The following REDIC1 variants were observed in gnomAD, a reference collection of about 807,000 sequenced individuals.
REDIC1 encodes regulator of DNA class I crossover intermediates 1.
chr12:39,809,708 C>T, the REDIC1 span, among the ~76,000 whole-genome samples: 10 of 152,040 alleles, frequency 6.6e-5, no homozygotes. Flanking sequence ...TTCCTGTGTC[C>T]ATGTGTTCTC....
chr12:39,733,977 G>T, the REDIC1 span, among the ~76,000 whole-genome samples: 3 of 152,174 alleles, frequency 2.0e-5, no homozygotes, highest in Non-Finnish European at 4.4e-5. Flanking sequence ...CAGCTAGTTT[G>T]GTGTCTGCCC....
At chr12:39,710,833 T>C in the REDIC1 span, among the ~76,000 whole-genome samples, 1 of 151,766 alleles carries the variant, frequency 6.6e-6, no homozygotes, top group African/African-American at 2.4e-5. Context: ...GTGTCTCTAA[T>C]AACTATCACA....
At chr12:39,885,010 G>T in the REDIC1 span, among the ~76,000 whole-genome samples, 1 of 152,202 alleles carries the variant, frequency 6.6e-6, no homozygotes, top group African/African-American at 2.4e-5. Flanking sequence ...GCAGAGACAG[G>T]TATTATAGCC....
the REDIC1 span, chr12:39,646,409 A>G: frequency 6.7e-7 from 1 of 1,489,242 alleles, no homozygotes; most frequent in Non-Finnish European, 9.0e-7. Context: ...AGAACTTACA[A>G]TGTCGCCTCA....
the REDIC1 span, among the ~76,000 whole-genome samples, chr12:39,718,264 GA>G: frequency 6.6e-6 from 1 of 152,038 alleles, no homozygotes; most frequent in African/African-American, 2.4e-5. Flanking sequence ...CCCTAATCTA[GA>G]GGCTGAATTA....
At chr12:39,893,364 A>G in the REDIC1 span, among the ~76,000 whole-genome samples, 1 of 152,180 alleles carries the variant, frequency 6.6e-6, no homozygotes, top group Non-Finnish European at 1.5e-5. Flanking sequence ...CAGTGGTGCA[A>G]TCTCAGCTGG....
chr12:39,665,844 G>A, the REDIC1 span, among the ~76,000 whole-genome samples: 59 of 152,202 alleles, frequency 3.9e-4, no homozygotes, highest in African/African-American at 1.4e-3. Context: ...AATTGTGAAT[G>A]GGAGTTCACT....
At chr12:39,813,402 T>C in the REDIC1 span, among the ~76,000 whole-genome samples, 191 of 152,238 alleles carry the variant, frequency 1.3e-3, 1 homozygote, top group African/African-American at 4.3e-3. Flanking sequence ...TGTAAACACA[T>C]GGCCAATGAC....
the REDIC1 span, among the ~76,000 whole-genome samples, chr12:39,747,357 G>A: frequency 5.3e-5 from 8 of 152,162 alleles, no homozygotes; most frequent in Admixed American, 3.3e-4. Context: ...GAAATGAAGT[G>A]AGAAGAGAAG....
chr12:39,837,786 C>A, the REDIC1 span, among the ~76,000 whole-genome samples: 22 of 152,124 alleles, frequency 1.4e-4, no homozygotes, highest in African/African-American at 4.1e-4. Context: ...CAAAACCACT[C>A]TGAGATACCA....
the REDIC1 span, chr12:39,692,312 A>G: frequency 2.6e-6 from 1 of 390,054 alleles, no homozygotes; most frequent in Non-Finnish European, 4.3e-6. Context: ...ATGTATAGGT[A>G]CAGTTTAGCA....
the REDIC1 span, among the ~76,000 whole-genome samples, chr12:39,715,276 A>G: frequency 6.6e-6 from 1 of 151,918 alleles, no homozygotes; most frequent in South Asian, 2.1e-4. Flanking sequence ...ATTCTCCTGT[A>G]TGTGGCTAGC....
the REDIC1 span, among the ~76,000 whole-genome samples, chr12:39,726,254 T>G: frequency 1.3e-5 from 2 of 152,232 alleles, no homozygotes; most frequent in Non-Finnish European, 2.9e-5. Context: ...GGTGGTTTGC[T>G]GCACCCATCA....
At chr12:39,815,964 A>G in the REDIC1 span, among the ~76,000 whole-genome samples, 1 of 152,172 alleles carries the variant, frequency 6.6e-6, no homozygotes, top group Non-Finnish European at 1.5e-5. Context: ...CTGAGTATAC[A>G]TTTTGTTCAA....
chr12:39,628,641 C>A, the REDIC1 span, among the ~76,000 whole-genome samples: 1 of 152,022 alleles, frequency 6.6e-6, no homozygotes, highest in South Asian at 2.1e-4. Flanking sequence ...TATTTTTTAC[C>A]TGACTACCTG....
At chr12:39,697,574 A>C in the REDIC1 span, among the ~76,000 whole-genome samples, 1 of 152,252 alleles carries the variant, frequency 6.6e-6, no homozygotes, top group Non-Finnish European at 1.5e-5. Context: ...AGAGTATAAA[A>C]GATATATATA....
the REDIC1 span, among the ~76,000 whole-genome samples, chr12:39,900,162 A>G: frequency 6.6e-6 from 1 of 151,394 alleles, no homozygotes; most frequent in Admixed American, 6.6e-5. Flanking sequence ...AAAAACTCTC[A>G]GTAAATTAGG....
the REDIC1 span, among the ~76,000 whole-genome samples, chr12:39,723,456 A>G: frequency 6.6e-6 from 1 of 151,842 alleles, no homozygotes; most frequent in Non-Finnish European, 1.5e-5. Flanking sequence ...TTGCAAAATA[A>G]GCCATCTTAT....
chr12:39,646,626 G>A, the REDIC1 span, among the ~76,000 whole-genome samples: 12 of 151,274 alleles, frequency 7.9e-5, no homozygotes, highest in Non-Finnish European at 1.8e-4. Flanking sequence ...AAATGATCCA[G>A]ATTTTGTACA....
Sources: allele counts gnomAD v4.1 joint callset (sites outside exome capture counted in the v4.1 genomes callset), GRCh38; gene constraint gnomAD v4.1.1; transcripts MANE v1.5; gene names NCBI Gene and HGNC (gene_info 2026-07-23, HGNC 2026-07-21).